The following SLC9A9 variants were observed in gnomAD, a reference collection of about 807,000 sequenced individuals.
The protein encoded by SLC9A9 is solute carrier family 9 member A9.
In SLC9A9, 62 loss-of-function variants were observed where a neutral mutation model predicts 77.8. That is an observed-to-expected ratio of 0.80 (90% CI 0.65 to 0.98). The LOEUF (loss-of-function observed/expected upper bound fraction) is 0.98, where lower values mean the gene tolerates loss of function less well. Among genes scored for constraint, SLC9A9 ranks in the 50% least tolerant of loss-of-function variants. The pLI is 0.00. For missense variants in SLC9A9, 775 were observed against 774.9 expected (o/e 1.00, Z 0.00); for synonymous variants, 320 against 283.5 (o/e 1.13, Z -1.29).
chr3:143,771,429 G>C (rs1191779337), intron 4 of SLC9A9, among the ~76,000 whole-genome samples: 1 of 152,204 alleles, frequency 6.6e-6, no homozygotes, highest in Non-Finnish European at 1.5e-5. Context: ...GGAGTGCTTA[G>C]ATTAGATGAA....
At chr3:143,596,710 T>C (rs2037758718) in intron 6 of SLC9A9, among the ~76,000 whole-genome samples, 1 of 152,190 alleles carries the variant, frequency 6.6e-6, no homozygotes, top group African/African-American at 2.4e-5. Context: ...TCACCCAAGC[T>C]GGAGTACAGT....
intron 4 of SLC9A9, among the ~76,000 whole-genome samples, chr3:143,783,981 C>T (rs1033470489): frequency 2.0e-5 from 3 of 152,208 alleles, no homozygotes; most frequent in African/African-American, 2.4e-5. Flanking sequence ...GCACCAGCAC[C>T]AGCCAGACAC....
intron 4 of SLC9A9, among the ~76,000 whole-genome samples, chr3:143,721,921 CAGA>C (rs1164708426): frequency 6.6e-6 from 1 of 152,106 alleles, no homozygotes; most frequent in African/African-American, 2.4e-5. Flanking sequence ...TTTTTTTAAA[CAGA>C]AGGTGTTTAC....
chr3:143,430,609 G>C (rs2108535570), intron 12 of SLC9A9, among the ~76,000 whole-genome samples: 1 of 152,324 alleles, frequency 6.6e-6, no homozygotes, highest in South Asian at 2.1e-4. Context: ...CTTTTGCTGA[G>C]CCCAGATCTG....
intron 6 of SLC9A9, among the ~76,000 whole-genome samples, chr3:143,634,448 A>G (rs1452227655): frequency 6.6e-6 from 1 of 152,116 alleles, no homozygotes; most frequent in African/African-American, 2.4e-5. Flanking sequence ...CAATATTTTC[A>G]GTGAAGTTCA....
At chr3:143,797,987 C>A (rs539681592) in intron 2 of SLC9A9, among the ~76,000 whole-genome samples, 7 of 152,164 alleles carry the variant, frequency 4.6e-5, no homozygotes, top group African/African-American at 1.2e-4. Context: ...GGGAGATCAA[C>A]CCCTGTCCTC....
At chr3:143,321,292 G>A (rs1488994176) in intron 14 of SLC9A9, among the ~76,000 whole-genome samples, 2 of 152,216 alleles carry the variant, frequency 1.3e-5, no homozygotes, top group African/African-American at 4.8e-5. Flanking sequence ...CTCCACTGCG[G>A]AGCAAGGCAG....
At chr3:143,276,969 T>C (rs1248679965) in intron 14 of SLC9A9, among the ~76,000 whole-genome samples, 1 of 152,202 alleles carries the variant, frequency 6.6e-6, no homozygotes, top group Non-Finnish European at 1.5e-5. Context: ...AGTGGTATGC[T>C]TAGTATCTTA....
chr3:143,281,506 A>AGAAGACGGAGAGCACATAC (rs781580337), intron 14 of SLC9A9, among the ~76,000 whole-genome samples: 74 of 152,346 alleles, frequency 4.9e-4, no homozygotes, highest in Non-Finnish European at 9.1e-4. Context: ...GGAGCACCAC[A>AGAAGACGGAGAGCACATAC]GAAGACGGAG....
intron 5 of SLC9A9, among the ~76,000 whole-genome samples, chr3:143,681,618 A>G (rs187712401): frequency 3.3e-4 from 51 of 152,318 alleles, no homozygotes; most frequent in African/African-American, 1.1e-3. Context: ...AGTTCTTTTT[A>G]TAAGATTTCT....
chr3:143,807,029 C>T (rs1157704969), intron 2 of SLC9A9, among the ~76,000 whole-genome samples: 2 of 152,172 alleles, frequency 1.3e-5, no homozygotes, highest in Non-Finnish European at 2.9e-5. Context: ...CATACTGGCT[C>T]TCCGAGGAAG....
intron 5 of SLC9A9, among the ~76,000 whole-genome samples, chr3:143,661,471 AC>A (rs1334850142): frequency 6.6e-6 from 1 of 151,952 alleles, no homozygotes; most frequent in African/African-American, 2.4e-5. Flanking sequence ...GGCACTGTGA[AC>A]CCTTCCTGTC....
At chr3:143,699,882 C>T (rs1400972403) in intron 4 of SLC9A9, among the ~76,000 whole-genome samples, 1 of 151,940 alleles carries the variant, frequency 6.6e-6, no homozygotes, top group African/African-American at 2.4e-5. Flanking sequence ...TGTGACCCCT[C>T]CTTCAACCGT....
rs116356394 is a variant in SLC9A9, at chr3:143,433,085, G to A, written c.1469+33952C>T. 7.2e-3 allele frequency among the ~76,000 whole-genome samples: 1,089 copies of A among 152,284 alleles called. 10 individuals carry two copies. Among genetic ancestry groups the A allele is most frequent in the African/African-American group, 0.025 (1,018 of 41,550 alleles). On this transcript the variant is annotated intron_variant, in intron 12 of 15. Transcript: ENST00000316549. ...AGGGAGGTTAGCCTTAACAATGAAA[G>A]GTTATTTAGATATATCTTTTTGGCC...
chr3:143,807,754 AAAAAG>A (rs1470786523), intron 2 of SLC9A9, among the ~76,000 whole-genome samples: 1 of 152,010 alleles, frequency 6.6e-6, no homozygotes, highest in African/African-American at 2.4e-5. Flanking sequence ...TTAAAAAAGA[AAAAAG>A]AAAAGAAAAG....
intron 5 of SLC9A9, among the ~76,000 whole-genome samples, chr3:143,670,933 C>T (rs979289256): frequency 2.0e-5 from 3 of 152,148 alleles, no homozygotes; most frequent in African/African-American, 7.2e-5. Flanking sequence ...ATTTCATTTT[C>T]TTCCAAAGCT....
At chr3:143,739,396 C>A (rs371828289) in intron 4 of SLC9A9, among the ~76,000 whole-genome samples, 13 of 152,162 alleles carry the variant, frequency 8.5e-5, no homozygotes, top group African/African-American at 3.1e-4. Context: ...TAGTGAAGGA[C>A]ACAAAGGGAT....
chr3:143,485,164 C>T (rs965107429), intron 11 of SLC9A9, among the ~76,000 whole-genome samples: 2 of 152,186 alleles, frequency 1.3e-5, no homozygotes, highest in African/African-American at 2.4e-5. Context: ...TTGCAGGAGC[C>T]GGGGTGAGCA....
chr3:143,439,491 G>T (rs1364115535), intron 12 of SLC9A9, among the ~76,000 whole-genome samples: 1 of 152,188 alleles, frequency 6.6e-6, no homozygotes. Flanking sequence ...CTGAGCACCA[G>T]GTAGAAGGCA....
Sources: gnomAD v4.1 joint callset for allele counts (sites outside exome capture counted in the v4.1 genomes callset) on GRCh38, gnomAD v4.1.1 for gene constraint, MANE v1.5 for transcripts, NCBI Gene and HGNC (gene_info 2026-07-23, HGNC 2026-07-21) for gene names.